EFTUD2: variants seen among roughly 807,000 people sequenced by gnomAD.
EFTUD2 encodes 116 kDa U5 small nuclear ribonucleoprotein component.
In EFTUD2, 9 loss-of-function variants were observed where a neutral mutation model predicts 114.3. That is an observed-to-expected ratio of 0.08 (90% CI 0.05 to 0.14). The LOEUF (loss-of-function observed/expected upper bound fraction) is 0.14. EFTUD2 is among the 10% of genes least tolerant of loss of function. The pLI is 1.00. For synonymous variants in EFTUD2, 449 were observed against 462.3 expected (o/e 0.97, Z 0.37); for missense variants, 765 against 1,241.2 (o/e 0.62, Z 5.76).
rs1181380487 is a variant in EFTUD2, at chr17:44,894,438, T to G, written c.84A>C (p.Arg28Ser). 1.2e-6 allele frequency: 2 copies of G among 1,613,650 alleles called. No homozygotes were observed. The highest frequency in any genetic ancestry group is 2.2e-5 in the South Asian group (2 of 91,074). The change falls in exon 2 of 28, where the codon AGA becomes AGC. Residue 28 changes from arginine (R) to serine (S), a missense_variant. Physicochemically the swap from Arg to Ser is moderately radical, Grantham distance 110. This residue lies in a region of EFTUD2 where 121 missense variants were observed against 133.7 expected (regional missense o/e 0.90). Transcript: ENST00000426333. ...DSDEDDDELG[R>S]ETKDLDEMDD... ...TTACCTCATCAAGATCTTTGGTCTC[T>G]CTACCCAATTCATCATCATCTTCAT...
chr17:44,867,569 G>A (rs1300527228), intron 13 of EFTUD2, among the ~76,000 whole-genome samples: 1 of 151,938 alleles, frequency 6.6e-6, no homozygotes, highest in Non-Finnish European at 1.5e-5. Context: ...CAAAGTGCTA[G>A]GATTACAGGC....
In EFTUD2 at chr17:44,854,607, G is replaced by C. The variant is rs559081677; in HGVS notation, c.2208C>G (p.Gly736=). The C allele has an allele frequency of 3.5e-5, 57 of 1,614,154 alleles. No homozygotes were observed. The South Asian group carries it at 4.6e-4, about 13-fold the overall frequency. Residue 736 remains glycine, a synonymous_variant, in exon 22 of 28, where the codon GGC becomes GGG. Transcript: ENST00000426333. This position sits in a 1 kb window ranked among gnomAD's most constrained non-coding sequence, Gnocchi z 4.3. ...GAATGTTGGGGCCAGTCGCATCAGG[G>C]CCAAAAGCCCAGATGGAACGGGCAG... ...LLAARSIWAF[G]PDATGPNILV...
intron 13 of EFTUD2, among the ~76,000 whole-genome samples, chr17:44,866,992 A>G (rs1363503652): frequency 1.3e-5 from 2 of 152,152 alleles, no homozygotes; most frequent in Non-Finnish European, 2.9e-5. Context: ...CTGCAGTCCC[A>G]GCTTCTCAGG....
At chr17:44,872,611 C>G in intron 10 of EFTUD2, 41 bp from the exon 11 acceptor site, 2 of 1,554,292 alleles carry the variant, frequency 1.3e-6, no homozygotes, top group South Asian at 2.4e-5. Flanking sequence ...CAGGCTGCAG[C>G]AGCCCGGACG....
intron 19 of EFTUD2, among the ~76,000 whole-genome samples, chr17:44,858,614 A>G (rs1159887635): frequency 6.6e-6 from 1 of 151,852 alleles, no homozygotes; most frequent in African/African-American, 2.4e-5. Flanking sequence ...ATGCCACTGC[A>G]CTGGGCTGGT....
chr17:44,898,269 G>A (rs2051432197), intron 1 of EFTUD2, among the ~76,000 whole-genome samples: 1 of 152,154 alleles, frequency 6.6e-6, no homozygotes, highest in Non-Finnish European at 1.5e-5. Context: ...CCAGGCTGGA[G>A]TACAACGGCA....
intron 1 of EFTUD2, among the ~76,000 whole-genome samples, chr17:44,894,778 T>C (rs141848215): frequency 7.9e-5 from 12 of 152,274 alleles, no homozygotes; most frequent in African/African-American, 2.2e-4. Context: ...GAGAGTTGAA[T>C]AGGCAAGAAG....
chr17:44,860,453 G>A lies in EFTUD2; in HGVS notation c.1698C>T (p.Thr566=), dbSNP rs187284437. 452 of 1,613,924 alleles carry A rather than the reference G, an allele frequency of 2.8e-4. 3 individuals are homozygous for A. The East Asian group carries it at 5.5e-3, about 19-fold the overall frequency. The part of the protein sequence containing the change: ...DQPIVKTATI[T]EPRGNEEAQI... The stretch of plus-strand genomic sequence containing the variant: ...CTACCTCCTCATTGCCTCGGGGTTC[G>A]GTTATGGTTGCTGTCTTCACAATTG... Residue 566 remains threonine (T), a synonymous_variant, in exon 17 of 28, where the codon ACC becomes ACT. Transcript: ENST00000426333.
chr17:44,856,794 A>G (rs1414544891), intron 20 of EFTUD2, among the ~76,000 whole-genome samples: 1 of 152,124 alleles, frequency 6.6e-6, no homozygotes, highest in East Asian at 1.9e-4. Context: ...AAAGTGAGTA[A>G]GATTTGGAGT....
rs1217322047 is a variant in EFTUD2, at chr17:44,854,001, A to G, written c.2347+268T>C. The G allele has an allele frequency of 4.4e-6, 6 of 1,355,866 alleles. No homozygotes were observed. The highest frequency in any genetic ancestry group is 5.6e-5 in the East Asian group (2 of 36,028). 84.0% of individuals were successfully genotyped at this position (1,355,866 alleles called of 1,614,324 possible). On this transcript the variant is annotated intron_variant, in intron 23 of 27. Coordinates refer to ENST00000426333, the MANE Select transcript of EFTUD2 (RefSeq NM_004247.4). This position sits in a 1 kb window ranked among gnomAD's most constrained non-coding sequence, Gnocchi z 4.3. ...CCATTCCAATCTCATCATCCTCTTG[A>G]TATCTCTTCTCAAATACGTCCAACG...
chr17:44,869,790 T>C (rs151192507), intron 11 of EFTUD2, among the ~76,000 whole-genome samples: 206 of 152,278 alleles, frequency 1.4e-3, no homozygotes, highest in African/African-American at 4.8e-3. Context: ...GGCTGAGCCC[T>C]ACCCCACCCC....
intron 2 of EFTUD2, among the ~76,000 whole-genome samples, chr17:44,892,506 C>G (rs1021888936): frequency 6.6e-6 from 1 of 151,344 alleles, no homozygotes; most frequent in Non-Finnish European, 1.5e-5. Flanking sequence ...TCATGAGTTA[C>G]AGAGGTTAAC....
chr17:44,865,206 CA>C, intron 13 of EFTUD2, 141 bp from the exon 14 acceptor site: 5 of 1,291,092 alleles, frequency 3.9e-6, no homozygotes, highest in Non-Finnish European at 5.2e-6. Flanking sequence ...TTGGCAAGGA[CA>C]AAAGTTTGGT....
In EFTUD2 at chr17:44,872,553, T is replaced by C; in HGVS notation, c.887A>G (p.Glu296Gly). 7 of 1,611,542 alleles carry C rather than the reference T, an allele frequency of 4.3e-6. No homozygotes were observed. Among genetic ancestry groups the C allele is most frequent in the Non-Finnish European group, 4.2e-6 (5 of 1,178,444 alleles). ...NGLISMYSTD[E>G]NLILSPLLGN... ...CAGGAGTGGGGAAAGGATCAGGTTC[T>C]CATCAGTGGAATACATGCTGAAACA... Residue 296 changes from glutamate to glycine, a missense_variant, in exon 11 of 28, where the codon GAG (glutamate) becomes GGG (glycine). Glu to Gly is a moderately conservative substitution (Grantham distance 98). Around this residue, in one of 6 missense-constraint regions of EFTUD2, gnomAD observed 251 missense variants for 357.7 expected, o/e 0.70. Transcript: ENST00000426333.
chr17:44,853,245 TG>T (rs1567728117), intron 25 of EFTUD2, 50 bp downstream of exon 25: 1 of 1,585,954 alleles, frequency 6.3e-7, no homozygotes, highest in East Asian at 2.3e-5. Context: ...AGGTGACTCT[TG>T]TTCTGCTCTT....
rs2050682445 is a variant in EFTUD2, at chr17:44,862,868, T to C, written c.1452A>G (p.Thr484=). The change falls in exon 16 of 28, where the codon ACA becomes ACG. Residue 484 remains threonine, a synonymous_variant. Transcript: ENST00000426333. ...AGGCGTGAAACTGGACTCCATCATC[T>C]GTGCTGTACATCTTAGTAGTGTGGC... is the stretch of plus-strand genomic sequence containing the variant. ...LMCHTTKMYS[T]DDGVQFHAFG... The C allele has an allele frequency of 3.7e-6, 6 of 1,614,174 alleles. No homozygotes were observed. Among genetic ancestry groups the C allele is most frequent in the Non-Finnish European group, 5.1e-6 (6 of 1,180,014 alleles).
At chr17:44,870,190 T>C (rs2050821563) in intron 11 of EFTUD2, among the ~76,000 whole-genome samples, 1 of 152,100 alleles carries the variant, frequency 6.6e-6, no homozygotes, top group Admixed American at 6.6e-5. Flanking sequence ...TAACAGTGGG[T>C]TCAAAGGATG....
In EFTUD2 at chr17:44,855,952, T is replaced by G. The variant is rs201303251; in HGVS notation, c.2046-948A>C. ...GGGCTACAGAGTGAGACTCTATGTC[T>G]CAAAAGAAAAAAAAAAAAAGAAAAA... On this transcript the variant is annotated intron_variant, in intron 20 of 27. Coordinates refer to ENST00000426333, the MANE Select transcript of EFTUD2 (RefSeq NM_004247.4). 3.7e-5 allele frequency among the ~76,000 whole-genome samples: 5 copies of G among 135,958 alleles called. No homozygotes were observed. The East Asian group carries it at 1.1e-3, about 29-fold the overall frequency. 89.2% of individuals were successfully genotyped at this position (135,958 alleles called of 152,430 possible).
chr17:44,886,730 G>GTCGTCGTCATCA lies in EFTUD2; in HGVS notation c.114_125dup (p.Asp41_Asp44dup). 1 of 1,613,536 alleles carries GTCGTCGTCATCA rather than the reference G, an allele frequency of 6.2e-7. No homozygotes were observed. The highest frequency in any genetic ancestry group is 1.7e-5 in the Admixed American group (1 of 59,946). On this transcript the variant is annotated inframe_insertion, in exon 3 of 28. Coordinates refer to ENST00000426333, the MANE Select transcript of EFTUD2 (RefSeq NM_004247.4). ...CATCGTCATGATCTCCTACGTCATC[G>GTCGTCGTCATCA]TCGTCGTCATCATCATCCATCTGAA...
Sources: allele counts gnomAD v4.1 joint callset (sites outside exome capture counted in the v4.1 genomes callset), GRCh38; gene constraint gnomAD v4.1.1; regional missense constraint gnomAD v4.1.1; non-coding constraint Gnocchi (gnomAD v3.1); transcripts MANE v1.5; gene names NCBI Gene and HGNC (gene_info 2026-07-23, HGNC 2026-07-21).